Variants in ADAMTSL1 observed in about 807,000 individuals in gnomAD.
The protein encoded by ADAMTSL1 is ADAMTS like 1.
Under a neutral mutation model 201.8 loss-of-function variants are expected in ADAMTSL1, and 126 were observed. That is an observed-to-expected ratio of 0.62 (90% CI 0.54 to 0.72). ADAMTSL1 has a LOEUF of 0.72. Among genes scored for constraint, ADAMTSL1 ranks in the 30% least tolerant of loss-of-function variants. The probability of loss-of-function intolerance (pLI) is 0.00; values close to 1 mark genes in which losing one functional copy is unlikely to be tolerated. For missense variants in ADAMTSL1, 2,679 were observed against 2,277.8 expected, an observed-to-expected ratio of 1.18 and a Z score of -3.59; for synonymous variants, 1,121 against 903.4, an observed-to-expected ratio of 1.24 and a Z score of -4.32.
intron 16 of ADAMTSL1, among the ~76,000 whole-genome samples, chr9:18,763,885 T>G (rs1820215465): frequency 6.6e-6 from 1 of 152,212 alleles, no homozygotes. Flanking sequence ...GCTGGTACTA[T>G]TGCTCTGTAT....
chr9:18,346,733 G>C (rs764798039), intron 2 of ADAMTSL1, among the ~76,000 whole-genome samples: 4 of 152,116 alleles, frequency 2.6e-5, no homozygotes, highest in Admixed American at 2.6e-4. Context: ...ATCTTTAGAC[G>C]TTTTTGAAGT....
intron 1 of ADAMTSL1, among the ~76,000 whole-genome samples, chr9:17,937,827 C>T (rs1258062191): frequency 1.3e-5 from 2 of 152,132 alleles, no homozygotes; most frequent in African/African-American, 2.4e-5. Flanking sequence ...CCTTTTAAAA[C>T]ACATGGATCT....
intron 4 of ADAMTSL1, among the ~76,000 whole-genome samples, chr9:18,575,448 G>C (rs1822651327): frequency 6.6e-6 from 1 of 152,156 alleles, no homozygotes; most frequent in African/African-American, 2.4e-5. Context: ...TTTAAAGCTA[G>C]AAAGGGCCTT....
rs1284124206 is a variant in ADAMTSL1, at chr9:18,910,753, A to G, written c.*2205A>G. The G allele has an allele frequency of 6.6e-6, 1 of 152,222 alleles. No homozygotes were observed. The highest frequency in any genetic ancestry group is 2.4e-5 in the African/African-American group (1 of 41,462). 9.4% of individuals were successfully genotyped at this position (152,222 alleles called of 1,614,324 possible). A position where few individuals can be genotyped will look rare whatever the true frequency, so the allele number is the denominator to read the frequency against. ...GCAGTGGGTCTCAGTGAGCTGGCAG[A>G]ACCTAGGTTTGGGTGGGAAGCAGAA... is the stretch of plus-strand genomic sequence containing the variant. On this transcript the variant is annotated 3_prime_UTR_variant, in exon 29 of 29. Transcript: ENST00000380548.
chr9:18,151,985 C>T (rs1480837715), intron 1 of ADAMTSL1, among the ~76,000 whole-genome samples: 3 of 152,024 alleles, frequency 2.0e-5, no homozygotes, highest in Non-Finnish European at 4.4e-5. Flanking sequence ...CTAGCTCATA[C>T]TGTGAAAAGA....
intron 1 of ADAMTSL1, among the ~76,000 whole-genome samples, chr9:18,499,096 T>C (rs530553459): frequency 1.2e-4 from 19 of 152,256 alleles, no homozygotes; most frequent in Admixed American, 9.2e-4. Flanking sequence ...TTCTCTTCAG[T>C]AGCAAGGGAC....
At chr9:18,758,725 C>T (rs1819906281) in intron 16 of ADAMTSL1, among the ~76,000 whole-genome samples, 1 of 152,194 alleles carries the variant, frequency 6.6e-6, no homozygotes, top group Non-Finnish European at 1.5e-5. Flanking sequence ...AAGCCCTCAT[C>T]ACATCAGTAA....
chr9:18,403,521 G>T (rs1563937505), intron 2 of ADAMTSL1, among the ~76,000 whole-genome samples: 1 of 152,168 alleles, frequency 6.6e-6, no homozygotes, highest in African/African-American at 2.4e-5. Context: ...CTCAAGGAAG[G>T]AGACCTTGAC....
At chr9:18,706,486 G>T (rs937175740) in intron 13 of ADAMTSL1, among the ~76,000 whole-genome samples, 23 of 152,218 alleles carry the variant, frequency 1.5e-4, no homozygotes, top group African/African-American at 5.3e-4. Context: ...TGGGTGCAAA[G>T]TAGGGAGCAA....
chr9:18,209,920 C>G (rs545130316), intron 2 of ADAMTSL1, among the ~76,000 whole-genome samples: 12 of 152,174 alleles, frequency 7.9e-5, no homozygotes, highest in Admixed American at 2.0e-4. Context: ...CTGAGGATCT[C>G]AACAATAGAT....
chr9:18,185,574 A>G (rs552493865), intron 2 of ADAMTSL1, among the ~76,000 whole-genome samples: 1 of 152,314 alleles, frequency 6.6e-6, no homozygotes, highest in East Asian at 1.9e-4. Context: ...GGTTTCTTAA[A>G]CTATGAAACA....
chr9:18,811,461 A>G (rs932593948), intron 20 of ADAMTSL1, among the ~76,000 whole-genome samples: 4 of 152,154 alleles, frequency 2.6e-5, no homozygotes, highest in African/African-American at 7.2e-5. Flanking sequence ...AGTGGGGACT[A>G]TGTGGGGATC....
chr9:18,507,539 C>A (rs1817749402), intron 2 of ADAMTSL1, among the ~76,000 whole-genome samples: 2 of 152,114 alleles, frequency 1.3e-5, no homozygotes, highest in Admixed American at 1.3e-4. Context: ...TTTGCTATTA[C>A]CTTCAATTCA....
chr9:18,235,196 T>G (rs1039663506), intron 2 of ADAMTSL1, among the ~76,000 whole-genome samples: 1 of 152,226 alleles, frequency 6.6e-6, no homozygotes, highest in African/African-American at 2.4e-5. Flanking sequence ...CGATTTTCAT[T>G]GATATTCATG....
rs761369658 is a variant in ADAMTSL1, at chr9:18,826,265, T to C, written c.3935-19T>C. The C allele has an allele frequency of 2.7e-6, 2 of 741,278 alleles. No homozygotes were observed. Among genetic ancestry groups the C allele is most frequent in the East Asian group, 4.9e-5 (1 of 20,580 alleles). 45.9% of individuals were successfully genotyped at this position (741,278 alleles called of 1,614,324 possible). A position where few individuals can be genotyped will look rare whatever the true frequency, so the allele number is the denominator to read the frequency against. ...TTGACTGATGAGTGGGGTTTTTTGTTTTTTTTTTTTCTTCCTAGGAGTGCC... is the reference window on the plus strand; with the variant it reads ...TTGACTGATGAGTGGGGTTTTTTGTCTTTTTTTTTTCTTCCTAGGAGTGCC... On this transcript the variant is annotated intron_variant, in intron 21 of 28. Transcript: ENST00000380548.
At chr9:17,928,715 G>A (rs1170305162) in intron 1 of ADAMTSL1, among the ~76,000 whole-genome samples, 2 of 152,160 alleles carry the variant, frequency 1.3e-5, no homozygotes, top group Admixed American at 1.3e-4. Context: ...TTCAAGACGA[G>A]CCTGGGTGAC....
chr9:18,894,227 G>A (rs1829470545), intron 26 of ADAMTSL1, among the ~76,000 whole-genome samples: 1 of 152,168 alleles, frequency 6.6e-6, no homozygotes, highest in Admixed American at 6.5e-5. Context: ...GCTCATGCCG[G>A]TAATCTCAGC....
At chr9:17,944,361 A>C (rs1018103173) in intron 1 of ADAMTSL1, among the ~76,000 whole-genome samples, 17 of 152,316 alleles carry the variant, frequency 1.1e-4, no homozygotes, top group Admixed American at 7.2e-4. Context: ...GGTAGGAAGA[A>C]TCAATATCAT....
intron 1 of ADAMTSL1, among the ~76,000 whole-genome samples, chr9:17,999,977 G>A (rs527502886): frequency 6.9e-6 from 1 of 145,578 alleles, no homozygotes; most frequent in Admixed American, 6.9e-5. Context: ...GTGTATATGT[G>A]CCACATTTTC....
Sources: allele counts gnomAD v4.1 joint callset (sites outside exome capture counted in the v4.1 genomes callset), GRCh38; gene constraint gnomAD v4.1.1; transcripts MANE v1.5; gene names NCBI Gene and HGNC (gene_info 2026-07-23, HGNC 2026-07-21).